The following WDR43 variants were observed in gnomAD, a reference collection of about 807,000 sequenced individuals.
WDR43 encodes the protein WD repeat-containing protein 43.
WDR43 carries 13 observed loss-of-function variants against 91.4 expected under a neutral mutation model. That is an observed-to-expected ratio of 0.14 (90% CI 0.09 to 0.23). The LOEUF is 0.23. Ranked by LOEUF, WDR43 falls within the 10% of genes least tolerant of loss-of-function variation. The pLI is 1.00. For missense variants in WDR43, 780 were observed against 809.4 expected (o/e 0.96, Z 0.44); for synonymous variants, 331 against 287.9 (o/e 1.15, Z -1.51).
Position 28,929,606 on chromosome 2 carries a change from A to T in WDR43, c.1333A>T (p.Met445Leu). The T allele has an allele frequency of 1.9e-6, 3 of 1,612,762 alleles. No homozygotes were observed. Among genetic ancestry groups the T allele is most frequent in the Non-Finnish European group, 2.5e-6 (3 of 1,179,224 alleles). ...EVSIEERLGA[M>L]DIDTHKKGKE... ...TAGCATTGAAGAACGTCTGGGAGCAATGGATATAGACACACACAAAAAAGG... is the reference window on the plus strand; with the variant it reads ...TAGCATTGAAGAACGTCTGGGAGCATTGGATATAGACACACACAAAAAAGG... Residue 445 changes from methionine (M) to leucine (L), a missense_variant, in exon 11 of 18, where the codon ATG becomes TTG. Coordinates refer to ENST00000407426, the MANE Select transcript of WDR43 (RefSeq NM_015131.3).
intron 6 of WDR43, among the ~76,000 whole-genome samples, chr2:28,922,236 C>G (rs1309703520): frequency 6.6e-6 from 1 of 152,142 alleles, no homozygotes; most frequent in African/African-American, 2.4e-5. Context: ...ATTTCATTTT[C>G]TCTCAATGTA....
chr2:28,906,232 C>T (rs1670675841), intron 2 of WDR43, among the ~76,000 whole-genome samples: 1 of 152,110 alleles, frequency 6.6e-6, no homozygotes. Flanking sequence ...CCTCTATTTG[C>T]CTTTCACATC....
intron 7 of WDR43, among the ~76,000 whole-genome samples, chr2:28,924,177 G>T (rs767901199): frequency 5.9e-5 from 9 of 152,194 alleles, no homozygotes; most frequent in Non-Finnish European, 1.2e-4. Flanking sequence ...TGAGAAAGGA[G>T]TTGACAGATC....
At chr2:28,943,004 G>A (rs913807726) in intron 16 of WDR43, among the ~76,000 whole-genome samples, 1 of 152,092 alleles carries the variant, frequency 6.6e-6, no homozygotes, top group Non-Finnish European at 1.5e-5. Context: ...AAACATTAAT[G>A]ACCAAAATTG....
intron 14 of WDR43, among the ~76,000 whole-genome samples, chr2:28,940,707 A>G (rs891535156): frequency 2.6e-5 from 4 of 152,250 alleles, no homozygotes; most frequent in Non-Finnish European, 5.9e-5. Context: ...AATTATGGCC[A>G]TCATGGTTTC....
intron 5 of WDR43, among the ~76,000 whole-genome samples, chr2:28,916,537 G>C (rs949186282): frequency 3.3e-5 from 5 of 152,044 alleles, no homozygotes; most frequent in African/African-American, 1.2e-4. Context: ...TGGATATCCA[G>C]GGATCCCAGT....
intron 10 of WDR43, among the ~76,000 whole-genome samples, chr2:28,928,431 C>T (rs1337528269): frequency 6.6e-6 from 1 of 152,020 alleles, no homozygotes; most frequent in African/African-American, 2.4e-5. Flanking sequence ...AAAAGTTATT[C>T]CTCAGTTACA....
chr2:28,896,722 C>T (rs1324498687), intron 1 of WDR43, among the ~76,000 whole-genome samples: 1 of 152,104 alleles, frequency 6.6e-6, no homozygotes, highest in Non-Finnish European at 1.5e-5. Context: ...TATTAAAAGT[C>T]ATAGTTTTGG....
At chr2:28,931,333 G>A (rs1671239402) in intron 11 of WDR43, among the ~76,000 whole-genome samples, 1 of 152,162 alleles carries the variant, frequency 6.6e-6, no homozygotes, top group African/African-American at 2.4e-5. Context: ...ACCCGCCTTG[G>A]CCTCCCAAAG....
intron 13 of WDR43, among the ~76,000 whole-genome samples, chr2:28,937,234 A>G (rs1175088837): frequency 1.3e-5 from 2 of 152,178 alleles, no homozygotes; most frequent in African/African-American, 4.8e-5. Flanking sequence ...TGCTTATAGT[A>G]CCTGCCGAAC....
At chr2:28,941,154 A>G (rs1291629634) in intron 14 of WDR43, among the ~76,000 whole-genome samples, 2 of 152,148 alleles carry the variant, frequency 1.3e-5, no homozygotes, top group African/African-American at 4.8e-5. Context: ...TCTACTTTAT[A>G]TGGGATATTG....
At chr2:28,939,279 C>T (rs1297147598) in intron 14 of WDR43, among the ~76,000 whole-genome samples, 1 of 152,120 alleles carries the variant, frequency 6.6e-6, no homozygotes, top group African/African-American at 2.4e-5. Flanking sequence ...TCCCAGCAGA[C>T]ATCGGATCTT....
intron 4 of WDR43, chr2:28,913,840 G>A (rs763064355): frequency 4.9e-5 from 33 of 668,762 alleles, no homozygotes; most frequent in Non-Finnish European, 8.7e-5. Flanking sequence ...GGTCATGGGA[G>A]TTAGAAGGAA....
intron 11 of WDR43, among the ~76,000 whole-genome samples, chr2:28,930,992 C>G (rs372953766): frequency 9.9e-5 from 15 of 151,946 alleles, no homozygotes; most frequent in African/African-American, 3.4e-4. Flanking sequence ...ATTGTTGCAC[C>G]TCAAAAAAGT....
Position 28,902,124 on chromosome 2 carries a change from A to G in WDR43, c.363A>G (p.Ile121Met). 1 of 1,556,378 alleles carries G rather than the reference A, an allele frequency of 6.4e-7. No homozygotes were observed. Among genetic ancestry groups the G allele is most frequent in the Middle Eastern group, 1.7e-4 (1 of 5,854 alleles). Residue 121 changes from isoleucine (I) to methionine (M), a missense_variant and splice_region_variant, in exon 2 of 18, where the codon ATA (isoleucine) becomes ATG (methionine). This residue lies in a region of WDR43 where 174 missense variants were observed against 207.3 expected (regional missense o/e 0.84). Transcript: ENST00000407426. ...AAGGAGAGTTACACAGTAAATTAAT[A>G]GTAAGTGTGTGTATATTTTATTTAA... ...TVKGELHSKL[I>M]SGGHDNRVNC...
intron 4 of WDR43, among the ~76,000 whole-genome samples, chr2:28,913,211 C>T (rs1670842230): frequency 6.6e-6 from 1 of 152,162 alleles, no homozygotes; most frequent in African/African-American, 2.4e-5. Context: ...GCCTCGGCCT[C>T]CCAAAGTGTT....
At chr2:28,931,131 A>G (rs1671233664) in intron 11 of WDR43, among the ~76,000 whole-genome samples, 1 of 144,888 alleles carries the variant, frequency 6.9e-6, no homozygotes, top group South Asian at 2.1e-4. Context: ...GCTGGAGTGC[A>G]GTGGCGCAAT....
rs1358804791 is a variant in WDR43, at chr2:28,939,016, GGGGGTTTT to G, written c.1620+1026_1620+1033del. ...GAGGTGGCCTGGGAACACTGGTGAG[GGGGGTTTT>G]GGGAGGTGACCTGGGAGCACTGGTG... is the stretch of plus-strand genomic sequence containing the variant. On this transcript the variant is annotated intron_variant, in intron 14 of 17. Transcript: ENST00000407426. Among the ~76,000 whole-genome samples, 72 of 137,254 alleles carry G rather than the reference GGGGGTTTT, an allele frequency of 5.2e-4. 1 individual carries two copies. Among genetic ancestry groups the G allele is most frequent in the Non-Finnish European group, 9.2e-4 (58 of 62,886 alleles). 90.0% of individuals were successfully genotyped at this position (137,254 alleles called of 152,430 possible).
At chr2:28,895,058 C>T in intron 1 of WDR43, 135 bp downstream of exon 1, 1 of 921,304 alleles carries the variant, frequency 1.1e-6, no homozygotes, top group Non-Finnish European at 1.4e-6. Flanking sequence ...GCGGCGTCGG[C>T]GCGTTCAGGG....
Sources: allele counts gnomAD v4.1 joint callset (sites outside exome capture counted in the v4.1 genomes callset), GRCh38; gene constraint gnomAD v4.1.1; regional missense constraint gnomAD v4.1.1; transcripts MANE v1.5; gene names NCBI Gene and HGNC (gene_info 2026-07-23, HGNC 2026-07-21).